Variants in SUGP2 observed in about 807,000 individuals in gnomAD.
SUGP2 encodes the protein SURP and G-patch domain-containing protein 2.
SUGP2 carries 24 observed loss-of-function variants against 90.5 expected under a neutral mutation model. The ratio of observed to expected loss-of-function variants is 0.27; its 90% confidence interval spans 0.19 to 0.37. The LOEUF (loss-of-function observed/expected upper bound fraction) is 0.37. Among genes scored for constraint, SUGP2 ranks in the 10% least tolerant of loss-of-function variants. SUGP2 has a pLI of 1.00. For synonymous variants in SUGP2, 473 were observed against 513.4 expected (o/e 0.92, Z 1.06); for missense variants, 1,233 against 1,363.3 (o/e 0.90, Z 1.51).
chr19:19,020,941 C>T (rs2058700966), intron 3 of SUGP2, among the ~76,000 whole-genome samples: 2 of 151,872 alleles, frequency 1.3e-5, no homozygotes, highest in African/African-American at 2.4e-5. Flanking sequence ...GGGTGGATCA[C>T]CTGAGGTCAG....
rs376002753 is a variant in SUGP2, at chr19:19,025,928, G to A, written c.420C>T (p.Leu140=). 3 of 1,614,046 alleles carry A rather than the reference G, an allele frequency of 1.9e-6. No homozygotes were observed. The highest frequency in any genetic ancestry group is 1.7e-5 in the Admixed American group (1 of 59,984). Residue 140 remains leucine, a synonymous_variant, in exon 3 of 11, where the codon CTC becomes CTT. Coordinates refer to ENST00000452918, the MANE Select transcript of SUGP2 (RefSeq NM_001017392.5). ...CAAAGTCTTGTTCCCAAGAACCACG[G>A]AGCGCAAATTTCCAGTCCTGAGAAC... ...HFRSQDWKFA[L]RGSWEQDFGH... is the part of the protein sequence containing the mutation.
At chr19:19,026,451 AC>A (rs1373487378) in intron 2 of SUGP2, among the ~76,000 whole-genome samples, 1 of 152,150 alleles carries the variant, frequency 6.6e-6, no homozygotes, top group African/African-American at 2.4e-5. Context: ...ACCTATAAGC[AC>A]CAAGCCTGAG....
rs1306039526 is a variant in SUGP2, at chr19:19,004,661, A to G, written c.2451-15T>C. 1 of 1,565,206 alleles carries G rather than the reference A, an allele frequency of 6.4e-7. No individual in the cohort carries two copies. The highest frequency in any genetic ancestry group is 8.7e-7 in the Non-Finnish European group (1 of 1,146,420). On this transcript the variant is annotated splice_polypyrimidine_tract_variant and intron_variant, in intron 6 of 10. Coordinates refer to ENST00000452918, the MANE Select transcript of SUGP2 (RefSeq NM_001017392.5). ...CATGTAGAAACCTGGGGCACAGAGG[A>G]AATACATTGGGTAACCAGATGGAAT...
chr19:19,011,295 G>A (rs907527004), intron 4 of SUGP2, among the ~76,000 whole-genome samples: 22 of 150,356 alleles, frequency 1.5e-4, no homozygotes, highest in East Asian at 1.0e-3. Flanking sequence ...CTACAGGCGC[G>A]CACCACCACG....
intron 7 of SUGP2, among the ~76,000 whole-genome samples, chr19:19,002,269 A>C (rs979261841): frequency 6.6e-6 from 1 of 151,936 alleles, no homozygotes; most frequent in Non-Finnish European, 1.5e-5. Flanking sequence ...AATCCCAGCT[A>C]TTCAGGAGGC....
chr19:19,030,869 C>CA, intron 2 of SUGP2, 82 bp downstream of exon 2: 1 of 1,447,378 alleles, frequency 6.9e-7, no homozygotes, highest in Middle Eastern at 1.8e-4. Flanking sequence ...ATTATTTGCC[C>CA]AAGGTATTGT....
At chr19:19,026,367 G>C in intron 2 of SUGP2, 141 bp from the exon 3 acceptor site, 1 of 770,152 alleles carries the variant, frequency 1.3e-6, no homozygotes. Context: ...TTGCCAATCT[G>C]TATTTGCTGC....
In SUGP2 at chr19:18,993,336, C is replaced by A. The variant is rs537607417; in HGVS notation, c.*405G>T. ...ACAACGAGAAAACACCATCTGTGAT[C>A]GTTTCCACATCACGTTTGCTAACAG... On this transcript the variant is annotated 3_prime_UTR_variant, in exon 11 of 11. Coordinates refer to ENST00000452918, the MANE Select transcript of SUGP2 (RefSeq NM_001017392.5). 1 of 152,196 alleles carries A rather than the reference C, an allele frequency of 6.6e-6. No homozygotes were observed. The allele number at this position is 152,196 out of a possible 1,614,324, so 9.4% of individuals were successfully genotyped here. A position where few individuals can be genotyped will look rare whatever the true frequency, so the allele number is the denominator to read the frequency against.
At chr19:19,009,694 A>G (rs1429003281) in intron 5 of SUGP2, among the ~76,000 whole-genome samples, 161 bp downstream of exon 5, 1 of 152,176 alleles carries the variant, frequency 6.6e-6, no homozygotes, top group Non-Finnish European at 1.5e-5. Context: ...TCAAGAAAGC[A>G]AGAGAGAAAG....
chr19:19,019,320 G>C (rs1303397057), intron 3 of SUGP2, 91 bp from the exon 4 acceptor site: 12 of 1,435,934 alleles, frequency 8.4e-6, no homozygotes, highest in Non-Finnish European at 1.0e-5. Context: ...GCTTAGTGCT[G>C]AACCCAAGCA....
At chr19:19,033,370 C>T (rs1599614834) in intron 1 of SUGP2, 67 bp downstream of exon 1, 2 of 1,201,298 alleles carry the variant, frequency 1.7e-6, no homozygotes, top group Non-Finnish European at 2.1e-6. Flanking sequence ...GGGCGGGCCC[C>T]CAAGGCCGAG....
intron 8 of SUGP2, among the ~76,000 whole-genome samples, chr19:18,996,556 T>G (rs912917290): frequency 2.0e-5 from 3 of 151,290 alleles, no homozygotes; most frequent in Non-Finnish European, 4.4e-5. Flanking sequence ...CAGCTTTTGA[T>G]GTTTTTTTTT....
intron 8 of SUGP2, 135 bp downstream of exon 8, chr19:19,001,478 C>T (rs2057830387): frequency 2.2e-6 from 2 of 893,246 alleles, no homozygotes; most frequent in Non-Finnish European, 3.6e-6. Flanking sequence ...AGAAAAGTCT[C>T]TGTTGTGTTT....
In SUGP2 at chr19:19,010,219, C is replaced by T. The variant is rs1366973725; in HGVS notation, c.1974G>A (p.Val658=). The T allele has an allele frequency of 6.2e-7, 1 of 1,614,090 alleles. No individual in the cohort carries two copies. The highest frequency in any genetic ancestry group is 1.1e-5 in the South Asian group (1 of 91,076). ...CAGCCCGGGAGTACAGCATGGCCCT[C>T]ACTGCACAGTCTGCTGAGGTCGGCT... The part of the protein sequence containing the change: ...DQKPTSADCA[V]RAMLYSRAVR... Residue 658 remains valine, a synonymous_variant, in exon 5 of 11, where the codon GTG becomes GTA. Transcript: ENST00000452918.
intron 2 of SUGP2, among the ~76,000 whole-genome samples, chr19:19,028,390 T>C (rs2059015885): frequency 6.6e-6 from 1 of 152,160 alleles, no homozygotes; most frequent in Non-Finnish European, 1.5e-5. Flanking sequence ...CACTGGCTGC[T>C]GCACAGGGAA....
intron 4 of SUGP2, among the ~76,000 whole-genome samples, chr19:19,014,283 G>A (rs953532883): frequency 1.3e-5 from 2 of 152,212 alleles, no homozygotes; most frequent in South Asian, 2.1e-4. Flanking sequence ...GTGAGTAACC[G>A]CACCTGGCTC....
At chr19:19,009,727 G>C (rs1162304490) in intron 5 of SUGP2, 128 bp downstream of exon 5, 1 of 1,240,926 alleles carries the variant, frequency 8.1e-7, no homozygotes, top group African/African-American at 1.5e-5. Context: ...CACTTGTCCT[G>C]GCCAGGTCCC....
At chr19:19,001,697 A>G in intron 7 of SUGP2, 23 bp from the exon 8 acceptor site, 4 of 1,611,446 alleles carry the variant, frequency 2.5e-6, no homozygotes, top group Non-Finnish European at 2.5e-6. Flanking sequence ...AGAAAGAGAC[A>G]CATACACATA....
intron 5 of SUGP2, among the ~76,000 whole-genome samples, chr19:19,009,437 G>A (rs2058215890): frequency 2.6e-5 from 4 of 152,184 alleles, no homozygotes; most frequent in African/African-American, 9.6e-5. Flanking sequence ...GCAGGTCAGC[G>A]AACCCCAAGA....
Sources: gnomAD v4.1 joint callset for allele counts (sites outside exome capture counted in the v4.1 genomes callset) on GRCh38, gnomAD v4.1.1 for gene constraint, MANE v1.5 for transcripts, NCBI Gene and HGNC (gene_info 2026-07-23, HGNC 2026-07-21) for gene names.